The following PRKCE variants were observed in gnomAD, a reference collection of about 807,000 sequenced individuals.
PRKCE encodes protein kinase C epsilon type.
In PRKCE, 16 loss-of-function variants were observed where a neutral mutation model predicts 85.4. The observed-to-expected ratio is 0.19, with a 90% CI of 0.13 to 0.28. The LOEUF (loss-of-function observed/expected upper bound fraction) is 0.28, where lower values mean the gene tolerates loss of function less well. Among genes scored for constraint, PRKCE ranks in the 10% least tolerant of loss-of-function variants. The pLI, the probability that PRKCE is intolerant of heterozygous loss-of-function variation, is 1.00. For synonymous variants in PRKCE, 388 were observed against 371.5 expected, an observed-to-expected ratio of 1.04 and a Z score of -0.51; for missense variants, 573 against 975.2, an observed-to-expected ratio of 0.59 and a Z score of 5.49.
At chr2:45,808,371 T>A (rs1688407007) in intron 1 of PRKCE, among the ~76,000 whole-genome samples, 1 of 152,240 alleles carries the variant, frequency 6.6e-6, no homozygotes, top group Admixed American at 6.5e-5. Flanking sequence ...ATATTGTTCC[T>A]GTCATTTTTG....
chr2:45,904,512 T>C (rs1696823382), intron 2 of PRKCE, among the ~76,000 whole-genome samples: 1 of 152,164 alleles, frequency 6.6e-6, no homozygotes, highest in African/African-American at 2.4e-5. Flanking sequence ...GTGCTGGCTC[T>C]GGATGAGATG....
intron 10 of PRKCE, among the ~76,000 whole-genome samples, 161 bp from the exon 11 acceptor site, chr2:46,086,047 C>T (rs1005821713): frequency 1.3e-5 from 2 of 152,156 alleles, no homozygotes; most frequent in African/African-American, 2.4e-5. Flanking sequence ...GTGCTTTATT[C>T]GTTTGTCTTC....
chr2:45,663,614 T>G (rs1675777026), intron 1 of PRKCE, among the ~76,000 whole-genome samples: 1 of 152,114 alleles, frequency 6.6e-6, no homozygotes. Flanking sequence ...AAACCCCATC[T>G]CTACTAAAAA....
chr2:46,176,991 A>G (rs1330040015), intron 14 of PRKCE, among the ~76,000 whole-genome samples: 8 of 152,256 alleles, frequency 5.3e-5, no homozygotes, highest in Admixed American at 5.2e-4. Flanking sequence ...TATGTCTGTT[A>G]TCTCTACTTC....
At chr2:45,925,959 G>T (rs573326142) in intron 2 of PRKCE, among the ~76,000 whole-genome samples, 13 of 152,330 alleles carry the variant, frequency 8.5e-5, no homozygotes, top group African/African-American at 3.1e-4. Context: ...GGGAGGCAAG[G>T]CTAACTTCAG....
At chr2:46,016,365 G>A (rs949940241) in intron 10 of PRKCE, among the ~76,000 whole-genome samples, 2 of 151,516 alleles carry the variant, frequency 1.3e-5, no homozygotes, top group African/African-American at 4.9e-5. Flanking sequence ...TTCTCTGGCC[G>A]GTCAGAGAAA....
At chr2:45,845,168 G>A (rs1292220469) in intron 2 of PRKCE, among the ~76,000 whole-genome samples, 1 of 149,382 alleles carries the variant, frequency 6.7e-6, no homozygotes, top group African/African-American at 2.5e-5. Context: ...CTTGTTGTTT[G>A]TGTTATACAC....
chr2:45,825,493 C>CT (rs200491157), intron 1 of PRKCE, among the ~76,000 whole-genome samples: 74 of 152,056 alleles, frequency 4.9e-4, no homozygotes, highest in African/African-American at 1.7e-3. Context: ...AGTTTTCCTA[C>CT]TTTTTTTTTC....
intron 2 of PRKCE, among the ~76,000 whole-genome samples, chr2:45,877,698 A>G (rs952177486): frequency 3.3e-5 from 5 of 152,230 alleles, no homozygotes; most frequent in Admixed American, 6.5e-5. Context: ...GATAATGCCA[A>G]CACCTGAAGT....
chr2:45,827,330 G>T (rs901716479), intron 1 of PRKCE, among the ~76,000 whole-genome samples: 3 of 152,256 alleles, frequency 2.0e-5, no homozygotes, highest in African/African-American at 7.2e-5. Flanking sequence ...ATCTAGGATA[G>T]AAGATCATAA....
At chr2:46,006,478 C>G (rs1237860026) in intron 8 of PRKCE, among the ~76,000 whole-genome samples, 2 of 151,804 alleles carry the variant, frequency 1.3e-5, no homozygotes, top group East Asian at 2.0e-4. Flanking sequence ...TGAGTAAGCC[C>G]TTATGGGACT....
At chr2:45,926,815 C>A (rs1285169272) in intron 2 of PRKCE, among the ~76,000 whole-genome samples, 2 of 152,142 alleles carry the variant, frequency 1.3e-5, no homozygotes, top group Non-Finnish European at 2.9e-5. Flanking sequence ...AAGTAGGACA[C>A]AGGATAGTAG....
chr2:45,916,457 A>G (rs1697787252), intron 2 of PRKCE, among the ~76,000 whole-genome samples: 1 of 152,022 alleles, frequency 6.6e-6, no homozygotes, highest in African/African-American at 2.4e-5. Flanking sequence ...GTTGCCCAGG[A>G]TGGTCTTTTA....
intron 1 of PRKCE, among the ~76,000 whole-genome samples, chr2:45,799,584 T>A (rs1011262768): frequency 2.0e-5 from 3 of 152,220 alleles, no homozygotes; most frequent in Non-Finnish European, 4.4e-5. Flanking sequence ...GAATATTTTT[T>A]AAAAAATTAA....
intron 2 of PRKCE, among the ~76,000 whole-genome samples, chr2:45,867,722 CT>C (rs1693721052): frequency 6.6e-6 from 1 of 151,980 alleles, no homozygotes; most frequent in African/African-American, 2.4e-5. Context: ...AGGGTTTTGT[CT>C]TTTTGGAGTG....
intron 13 of PRKCE, among the ~76,000 whole-genome samples, chr2:46,154,288 C>T (rs1676971083): frequency 6.6e-6 from 1 of 152,114 alleles, no homozygotes; most frequent in African/African-American, 2.4e-5. Context: ...GTGAGGAGGC[C>T]TCGGGGGTAC....
chr2:45,724,393 T>G (rs909379234), intron 1 of PRKCE, among the ~76,000 whole-genome samples: 4 of 152,202 alleles, frequency 2.6e-5, no homozygotes, highest in African/African-American at 9.7e-5. Context: ...TCCCTCTCCT[T>G]CAGCCTCTCT....
chr2:45,741,441 C>G (rs995440500), intron 1 of PRKCE, among the ~76,000 whole-genome samples: 14 of 144,846 alleles, frequency 9.7e-5, no homozygotes, highest in Middle Eastern at 3.2e-3. Context: ...GGACAAATAT[C>G]AGAATCTTCC....
chr2:45,894,280 T>C (rs1695963487), intron 2 of PRKCE, among the ~76,000 whole-genome samples: 1 of 151,806 alleles, frequency 6.6e-6, no homozygotes, highest in African/African-American at 2.4e-5. Context: ...AGGAAACAGG[T>C]TGTTTAATAA....
Sources: allele counts gnomAD v4.1 joint callset (sites outside exome capture counted in the v4.1 genomes callset), GRCh38; gene constraint gnomAD v4.1.1; transcripts MANE v1.5; gene names NCBI Gene and HGNC (gene_info 2026-07-23, HGNC 2026-07-21).